PLXNC1: variants seen among roughly 807,000 people sequenced by gnomAD.
PLXNC1 encodes the protein plexin C1.
A neutral mutation model predicts 178.2 loss-of-function variants in PLXNC1; 75 were observed. The observed-to-expected ratio is 0.42, with a 90% confidence interval of 0.35 to 0.51. The LOEUF is 0.51. Ranked by LOEUF, PLXNC1 falls within the 20% of genes least tolerant of loss-of-function variation. The pLI is 0.02. For missense variants in PLXNC1, 1,503 were observed against 1,984.4 expected, an observed-to-expected ratio of 0.76 and a Z score of 4.61; for synonymous variants, 790 against 779.9, an observed-to-expected ratio of 1.01 and a Z score of -0.22.
At position 94,279,704 on chromosome 12, in the gene PLXNC1, C is replaced by T. The variant is rs79869636; in HGVS notation, c.3775+55C>T. The T allele has an allele frequency of 6.9e-3, 10,167 of 1,465,552 alleles. 53 individuals carry two copies. The highest frequency in any genetic ancestry group is 8.4e-3 in the Non-Finnish European group (8,848 of 1,050,096). 90.8% of individuals were successfully genotyped at this position (1,465,552 alleles called of 1,614,324 possible). A position where few individuals can be genotyped will look rare whatever the true frequency, so the allele number is the denominator to read the frequency against. The stretch of plus-strand genomic sequence containing the variant: ...AGGCCCTGATGAGTGTCCCTCCCTG[C>T]CTGCCCTCCCTCCCTGTCCCCCCTC... On this transcript the variant is annotated intron_variant, in intron 22 of 30. Transcript: ENST00000258526.
chr12:94,223,184 C>T (rs560551106), intron 6 of PLXNC1, among the ~76,000 whole-genome samples: 3 of 152,136 alleles, frequency 2.0e-5, no homozygotes, highest in Non-Finnish European at 2.9e-5. Flanking sequence ...GAGGCTGAGG[C>T]GGGCAGATCA....
In PLXNC1 at chr12:94,279,615, T is replaced by C; in HGVS notation, c.3741T>C (p.Ser1247=). 2 of 1,614,238 alleles carry C rather than the reference T, an allele frequency of 1.2e-6. No individual in the cohort carries two copies. The highest frequency in any genetic ancestry group is 8.5e-7 in the Non-Finnish European group (1 of 1,180,038). ...IFQAFLSKNG[S]PYGLQLNEIG... Reference sequence around the variant, plus strand: ...AAGCATTCTTAAGCAAAAATGGCTCTCCTTATGGACTTCAGCTTAATGAAA... The same window carrying C: ...AAGCATTCTTAAGCAAAAATGGCTCCCCTTATGGACTTCAGCTTAATGAAA... Residue 1247 remains serine, a synonymous_variant, in exon 22 of 31, where the codon TCT becomes TCC. Coordinates refer to ENST00000258526, the MANE Select transcript of PLXNC1 (RefSeq NM_005761.3).
At chr12:94,153,057 A>G (rs1193647469) in intron 1 of PLXNC1, among the ~76,000 whole-genome samples, 1 of 152,254 alleles carries the variant, frequency 6.6e-6, no homozygotes, top group Non-Finnish European at 1.5e-5. Context: ...TGATATTTGT[A>G]CAGCACTTCC....
intron 3 of PLXNC1, among the ~76,000 whole-genome samples, chr12:94,182,861 ATCTATC>A (rs776759608): frequency 0.017 from 2,199 of 126,090 alleles, 39 homozygotes; most frequent in African/African-American, 0.063. Context: ...GAATATCTGT[ATCTATC>A]TATCTATCTA....
At chr12:94,171,963 A>G (rs1961862129) in intron 2 of PLXNC1, among the ~76,000 whole-genome samples, 1 of 152,174 alleles carries the variant, frequency 6.6e-6, no homozygotes, top group Admixed American at 6.5e-5. Flanking sequence ...TATCCTGTGT[A>G]CAGATTCTTG....
Position 94,248,089 on chromosome 12 carries a change from C to T in PLXNC1, c.2575C>T (p.Leu859=). Residue 859 remains leucine (L), a synonymous_variant, in exon 13 of 31, where the codon CTG becomes TTG. Coordinates refer to ENST00000258526, the MANE Select transcript of PLXNC1 (RefSeq NM_005761.3). The part of the protein sequence containing the change: ...YRVESEVDTE[L]EVKIQKENDN... The stretch of plus-strand genomic sequence containing the variant: ...GGTGGAATCCGAGGTGGACACAGAA[C>T]TGGAAGTGAAAATTCAAGTATGTTT... The T allele has an allele frequency of 6.2e-7, 1 of 1,614,024 alleles. No individual in the cohort carries two copies. The highest frequency in any genetic ancestry group is 1.7e-4 in the Middle Eastern group (1 of 6,060).
intron 1 of PLXNC1, among the ~76,000 whole-genome samples, chr12:94,164,975 AT>A (rs1214489861): frequency 6.6e-6 from 1 of 152,168 alleles, no homozygotes; most frequent in African/African-American, 2.4e-5. Context: ...TCAAGATCGG[AT>A]TTTGTCATGA....
chr12:94,149,798 A>G lies in PLXNC1; in HGVS notation c.827A>G (p.Gln276Arg). The change falls in exon 1 of 31, where the codon CAG (glutamine) becomes CGG (arginine). Residue 276 changes from glutamine to arginine, a missense_variant. Around this residue, in one of 4 missense-constraint regions of PLXNC1, gnomAD observed 615 missense variants for 698.6 expected, o/e 0.88. Coordinates refer to ENST00000258526, the MANE Select transcript of PLXNC1 (RefSeq NM_005761.3). ...RIAQSTEVLF[Q>R]GQASLDCGHG... ...GCGCAGAGCACCGAGGTGCTGTTCC[A>G]GGGCCAGGCATCCCTCGACTGCGGC... is the stretch of plus-strand genomic sequence containing the variant. The G allele has an allele frequency of 1.2e-6, 2 of 1,606,092 alleles. No individual in the cohort carries two copies. The highest frequency in any genetic ancestry group is 8.5e-7 in the Non-Finnish European group (1 of 1,178,096).
At chr12:94,161,553 T>C (rs1846764965) in intron 1 of PLXNC1, among the ~76,000 whole-genome samples, 1 of 152,248 alleles carries the variant, frequency 6.6e-6, no homozygotes, top group Admixed American at 6.5e-5. Context: ...TTCTTAAAAA[T>C]ATGCATTTGA....
At chr12:94,259,899 CAAAA>C (rs67260160) in intron 19 of PLXNC1, among the ~76,000 whole-genome samples, 165 bp downstream of exon 19, 1 of 114,196 alleles carries the variant, frequency 8.8e-6, no homozygotes, top group African/African-American at 3.1e-5. Context: ...CTTGTCTCTA[CAAAA>C]AAAAAAAAAA....
chr12:94,253,204 C>T (rs1032484732), intron 15 of PLXNC1, among the ~76,000 whole-genome samples: 1 of 102,676 alleles, frequency 9.7e-6, no homozygotes, highest in African/African-American at 3.7e-5. Context: ...AACAAGACTC[C>T]GTCTCAGAAA....
At chr12:94,289,450 G>A (rs1967054908) in intron 23 of PLXNC1, among the ~76,000 whole-genome samples, 1 of 152,178 alleles carries the variant, frequency 6.6e-6, no homozygotes, top group Non-Finnish European at 1.5e-5. Flanking sequence ...CTCTGGGCTG[G>A]AGAAACAATC....
chr12:94,245,472 G>A (rs149610954), intron 12 of PLXNC1, among the ~76,000 whole-genome samples: 96 of 151,984 alleles, frequency 6.3e-4, no homozygotes, highest in African/African-American at 2.3e-3. Context: ...CTTGAGGCCA[G>A]GAGTTCGAGA....
At chr12:94,268,319 T>A (rs192862529) in intron 21 of PLXNC1, among the ~76,000 whole-genome samples, 3 of 152,326 alleles carry the variant, frequency 2.0e-5, no homozygotes, top group African/African-American at 7.2e-5. Flanking sequence ...TAATGTTCTC[T>A]TCTTGCATAT....
intron 1 of PLXNC1, 57 bp downstream of exon 1, chr12:94,150,090 C>A: frequency 7.2e-7 from 1 of 1,383,744 alleles, no homozygotes; most frequent in Non-Finnish European, 9.6e-7. Flanking sequence ...GCCGCCGCCG[C>A]CGCCGAGGCA....
Position 94,148,939 on chromosome 12 carries a change from C to T in PLXNC1, c.-33C>T. On this transcript the variant is annotated 5_prime_UTR_variant, in exon 1 of 31. Coordinates refer to ENST00000258526, the MANE Select transcript of PLXNC1 (RefSeq NM_005761.3). The surrounding 1 kb of genome is among the most constrained non-coding windows in gnomAD (Gnocchi z 4.8). The stretch of plus-strand genomic sequence containing the variant: ...CGCGCCTGAGCCGCCGTCGCCGCCG[C>T]GCGCCCTGCCCGGGGGCGGCCCCCC... The T allele has an allele frequency of 2.1e-6, 2 of 939,978 alleles. No homozygotes were observed. Among genetic ancestry groups the T allele is most frequent in the African/African-American group, 3.5e-5 (2 of 57,822 alleles). The allele number at this position is 939,978 out of a possible 1,614,324, so 58.2% of individuals were successfully genotyped here.
At chr12:94,246,452 C>T (rs117186056) in intron 12 of PLXNC1, among the ~76,000 whole-genome samples, 150 of 152,120 alleles carry the variant, frequency 9.9e-4, no homozygotes, top group Non-Finnish European at 1.8e-3. Flanking sequence ...AGTGAGAGCA[C>T]AGAGGAGGAA....
intron 5 of PLXNC1, among the ~76,000 whole-genome samples, chr12:94,212,659 C>CT (rs1461394057): frequency 3.3e-5 from 5 of 151,618 alleles, no homozygotes; most frequent in African/African-American, 9.7e-5. Flanking sequence ...ATGAACTCAT[C>CT]TTTTTTATGG....
chr12:94,197,905 C>T (rs1464049405), intron 4 of PLXNC1, among the ~76,000 whole-genome samples: 2 of 152,140 alleles, frequency 1.3e-5, no homozygotes, highest in East Asian at 1.9e-4. Context: ...AAGAAAGACA[C>T]GGCACTCAGG....
Sources: allele counts gnomAD v4.1 joint callset (sites outside exome capture counted in the v4.1 genomes callset), GRCh38; gene constraint gnomAD v4.1.1; regional missense constraint gnomAD v4.1.1; non-coding constraint Gnocchi (gnomAD v3.1); transcripts MANE v1.5; gene names NCBI Gene and HGNC (gene_info 2026-07-23, HGNC 2026-07-21).